The following IL4R variants were observed in gnomAD, a reference collection of about 807,000 sequenced individuals.
IL4R encodes interleukin-4 receptor subunit alpha.
A neutral mutation model predicts 41.5 loss-of-function variants in IL4R; 17 were observed. The ratio of observed to expected loss-of-function variants is 0.41; its 90% CI spans 0.28 to 0.61. The LOEUF (loss-of-function observed/expected upper bound fraction) is 0.61, where lower values mean the gene tolerates loss of function less well. Among genes scored for constraint, IL4R ranks in the 20% least tolerant of loss-of-function variants. The probability of loss-of-function intolerance (pLI) is 0.31; values close to 1 mark genes in which losing one functional copy is unlikely to be tolerated. For synonymous variants in IL4R, 402 were observed against 422.9 expected, an observed-to-expected ratio of 0.95 and a Z score of 0.61; for missense variants, 974 against 1,043.1, an observed-to-expected ratio of 0.93 and a Z score of 0.91.
intron 1 of IL4R, among the ~76,000 whole-genome samples, chr16:27,319,623 A>G (rs1042002710): frequency 2.0e-5 from 3 of 152,098 alleles, no homozygotes; most frequent in African/African-American, 7.2e-5. Flanking sequence ...ATCATTTTAC[A>G]TATTATTTTA....
At chr16:27,322,187 G>C (rs2084833342) in intron 1 of IL4R, among the ~76,000 whole-genome samples, 1 of 149,192 alleles carries the variant, frequency 6.7e-6, no homozygotes, top group Non-Finnish European at 1.5e-5. Context: ...TTCTCCTTTT[G>C]AGTCTGTCAG....
Position 27,362,438 on chromosome 16 carries a change from G to A in IL4R, c.1086G>A (p.Val362=), listed in dbSNP as rs756328536. Residue 362 remains valine (V), a synonymous_variant, in exon 11 of 11, where the codon GTG becomes GTA. Coordinates refer to ENST00000395762, the MANE Select transcript of IL4R (RefSeq NM_000418.4). ...WPESISVVRC[V]ELFEAPVECE... is the part of the protein sequence containing the mutation. ...AGAGCATCAGCGTGGTGCGATGTGT[G>A]GAGTTGTTTGAGGCCCCGGTGGAGT... 1 of 1,614,176 alleles carries A rather than the reference G, an allele frequency of 6.2e-7. No individual in the cohort carries two copies. Among genetic ancestry groups the A allele is most frequent in the Non-Finnish European group, 8.5e-7 (1 of 1,180,022 alleles).
At chr16:27,314,095 A>C (rs2084551326) in intron 1 of IL4R, 75 bp downstream of exon 1, 1 of 984,308 alleles carries the variant, frequency 1.0e-6, no homozygotes, top group Non-Finnish European at 1.2e-6. Flanking sequence ...GCGTTCGGGA[A>C]GGGCTCGGCC....
chr16:27,335,581 T>C (rs968773161), intron 2 of IL4R, among the ~76,000 whole-genome samples: 1 of 152,100 alleles, frequency 6.6e-6, no homozygotes, highest in African/African-American at 2.4e-5. Context: ...GGACTTTAAC[T>C]CCAAGGGTTA....
chr16:27,331,457 A>G (rs1157003447), intron 2 of IL4R, among the ~76,000 whole-genome samples: 1 of 152,164 alleles, frequency 6.6e-6, no homozygotes, highest in South Asian at 2.1e-4. Flanking sequence ...TATTAAATGC[A>G]TTCTTGTATG....
At position 27,330,147 on chromosome 16, in the gene IL4R, T is replaced by A. The variant is rs1460442825; in HGVS notation, c.-70T>A. The A allele has an allele frequency of 2.0e-5, 3 of 151,908 alleles. No homozygotes were observed. Among genetic ancestry groups the A allele is most frequent in the Non-Finnish European group, 2.9e-5 (2 of 67,948 alleles). The allele number at this position is 151,908 out of a possible 1,614,324, so 9.4% of individuals were successfully genotyped here. ...CTCATGCCTATAATCCCAGCACTTT[T>A]GGAGGCTGAGGCGGGCAGATCACTT... On this transcript the variant is annotated 5_prime_UTR_variant, in exon 2 of 11. It introduces an in-frame stop codon into an upstream open reading frame of the 5' UTR. Transcript: ENST00000395762.
chr16:27,356,084 CT>C (rs36125482), intron 8 of IL4R, among the ~76,000 whole-genome samples, 177 bp downstream of exon 8: 75,795 of 113,840 alleles, frequency 0.67, 24,720 homozygotes, highest in South Asian at 0.83. Flanking sequence ...CCACTTTTTT[CT>C]TTTTTTTTTT....
chr16:27,321,692 A>G (rs976755685), intron 1 of IL4R, among the ~76,000 whole-genome samples: 4 of 152,146 alleles, frequency 2.6e-5, no homozygotes, highest in African/African-American at 7.2e-5. Flanking sequence ...TAATAAATCT[A>G]CTTCAGGCTA....
At chr16:27,337,089 A>G (rs1225726602) in intron 2 of IL4R, among the ~76,000 whole-genome samples, 1 of 152,010 alleles carries the variant, frequency 6.6e-6, no homozygotes, top group South Asian at 2.1e-4. Flanking sequence ...AAAAAATAAA[A>G]TGAAATAAAA....
At chr16:27,313,765 C>T, upstream of IL4R, 1 of 274,170 alleles carries the variant, frequency 3.6e-6, no homozygotes, top group Non-Finnish European at 5.6e-6. Flanking sequence ...CAGGAGAGGA[C>T]GGCGGCTCGG....
chr16:27,350,317 A>C (rs2085818130), intron 6 of IL4R, among the ~76,000 whole-genome samples: 1 of 152,142 alleles, frequency 6.6e-6, no homozygotes, highest in African/African-American at 2.4e-5. Context: ...TTAGAAAGAA[A>C]GACAAAAGAG....
At chr16:27,348,075 G>A (rs2085719515) in intron 6 of IL4R, among the ~76,000 whole-genome samples, 1 of 152,244 alleles carries the variant, frequency 6.6e-6, no homozygotes. Context: ...CTCTCAGGGA[G>A]CAGGCACCCG....
intron 4 of IL4R, among the ~76,000 whole-genome samples, chr16:27,343,792 T>C (rs974490719): frequency 2.6e-5 from 4 of 152,130 alleles, no homozygotes; most frequent in African/African-American, 7.2e-5. Context: ...TTCTCACTTA[T>C]AAGTAAGAGT....
intron 1 of IL4R, among the ~76,000 whole-genome samples, chr16:27,326,042 C>T (rs1201723104): frequency 6.6e-6 from 1 of 152,148 alleles, no homozygotes; most frequent in Non-Finnish European, 1.5e-5. Flanking sequence ...CAACACAGAT[C>T]TAGAATTCAG....
intron 1 of IL4R, among the ~76,000 whole-genome samples, chr16:27,316,331 C>T (rs547361519): frequency 5.9e-5 from 9 of 152,338 alleles, no homozygotes; most frequent in Admixed American, 5.9e-4. Context: ...GATTGTGCCA[C>T]TGCACTGTAG....
intron 1 of IL4R, among the ~76,000 whole-genome samples, chr16:27,319,258 C>A (rs1160953508): frequency 6.6e-6 from 1 of 152,166 alleles, no homozygotes; most frequent in Non-Finnish European, 1.5e-5. Flanking sequence ...GGGCCAGATA[C>A]CTGCATTGTC....
intron 8 of IL4R, among the ~76,000 whole-genome samples, chr16:27,358,156 A>G (rs552497092): frequency 1.3e-5 from 2 of 152,108 alleles, no homozygotes; most frequent in South Asian, 4.2e-4. Context: ...GGCCTCCCAA[A>G]GTGCTGGGAT....
intron 7 of IL4R, among the ~76,000 whole-genome samples, chr16:27,354,841 C>T (rs2086004971): frequency 6.6e-6 from 1 of 152,240 alleles, no homozygotes; most frequent in African/African-American, 2.4e-5. Context: ...CCACGTGTCT[C>T]CTGCCCTGGG....
rs1038434113 is a variant in IL4R at position 27,364,316 on chromosome 16, C to G, written c.*486C>G. On this transcript the variant is annotated 3_prime_UTR_variant, in exon 11 of 11. Transcript: ENST00000395762. ...AATGACTTGGGCGGCCTTGGGAAAT[C>G]GATGAGAAATTGAACTTCAGGGAGG... 6.3e-6 allele frequency: 1 copy of G among 159,342 alleles called. No individual in the cohort carries two copies. Among genetic ancestry groups the G allele is most frequent in the Non-Finnish European group, 1.4e-5 (1 of 72,722 alleles). The allele number at this position is 159,342 out of a possible 1,614,324, so 9.9% of individuals were successfully genotyped here.
Sources: gnomAD v4.1 joint callset for allele counts (sites outside exome capture counted in the v4.1 genomes callset) on GRCh38, gnomAD v4.1.1 for gene constraint, MANE v1.5 for transcripts, NCBI Gene and HGNC (gene_info 2026-07-23, HGNC 2026-07-21) for gene names.